RBFOX1: variants seen among roughly 807,000 people sequenced by gnomAD.
RBFOX1 encodes RNA binding protein fox-1 homolog 1.
Under a neutral mutation model 57.7 loss-of-function variants are expected in RBFOX1, and 8 were observed. The ratio of observed to expected loss-of-function variants is 0.14; its 90% CI spans 0.08 to 0.25. RBFOX1 has a LOEUF of 0.25. RBFOX1 is among the 10% of genes least tolerant of loss of function. RBFOX1 has a pLI of 1.00. For synonymous variants in RBFOX1, 326 were observed against 222.4 expected (o/e 1.47, Z -4.15); for missense variants, 611 against 548.5 (o/e 1.11, Z -1.14).
intron 3 of RBFOX1, among the ~76,000 whole-genome samples, chr16:6,790,925 C>T (rs1349480598): frequency 6.7e-6 from 1 of 149,516 alleles, no homozygotes; most frequent in Non-Finnish European, 1.5e-5. Flanking sequence ...TTTTTTTTTG[C>T]AATGGGGTCT....
At chr16:5,387,419 C>T (rs1481828190) in intron 1 of RBFOX1, among the ~76,000 whole-genome samples, 2 of 152,216 alleles carry the variant, frequency 1.3e-5, no homozygotes, top group East Asian at 1.9e-4. Flanking sequence ...GACCTAGGCA[C>T]CTTTGGCAAT....
chr16:7,057,784 G>C (rs549474439), intron 4 of RBFOX1, among the ~76,000 whole-genome samples: 1 of 152,130 alleles, frequency 6.6e-6, no homozygotes, highest in Non-Finnish European at 1.5e-5. Flanking sequence ...AAGGTGGGTG[G>C]ATCACCTGAG....
chr16:5,467,236 C>A lies in RBFOX1; in HGVS notation c.240C>A (p.Tyr80Ter). 1.3e-6 allele frequency: 2 copies of A among 1,498,290 alleles called. No individual in the cohort carries two copies. Among genetic ancestry groups the A allele is most frequent in the Non-Finnish European group, 1.8e-6 (2 of 1,114,698 alleles). The allele number at this position is 1,498,290 out of a possible 1,614,324, so 92.8% of individuals were successfully genotyped here. A position where few individuals can be genotyped will look rare whatever the true frequency, so the allele number is the denominator to read the frequency against. ...TGCAGGATCTACTGTGCCTGCCATA[C>A]AGCCTGGTTGAGGGTCAGGTAAGTG... Residue 80 changes from tyrosine to a stop codon, truncating the protein, a stop_gained, in exon 2 of 3, where the codon TAC becomes TAA. Transcript: ENST00000585867. LOFTEE classifies it low-confidence loss of function (END_TRUNC).
At chr16:5,742,908 G>T (rs2052828780) in intron 3 of RBFOX1, among the ~76,000 whole-genome samples, 1 of 152,076 alleles carries the variant, frequency 6.6e-6, no homozygotes, top group Middle Eastern at 3.2e-3. Flanking sequence ...ATAAAGTGTA[G>T]GTGAGTCTAC....
intron 1 of RBFOX1, among the ~76,000 whole-genome samples, chr16:5,370,000 C>G (rs1162591943): frequency 1.3e-5 from 2 of 152,148 alleles, no homozygotes; most frequent in African/African-American, 4.8e-5. Flanking sequence ...TGGATGGAGA[C>G]AAAGTTCCTC....
At chr16:7,622,415 A>C (rs1243470299) in intron 10 of RBFOX1, among the ~76,000 whole-genome samples, 1 of 152,240 alleles carries the variant, frequency 6.6e-6, no homozygotes, top group Non-Finnish European at 1.5e-5. Flanking sequence ...TTATCATATT[A>C]AGTTAAATAT....
At chr16:7,152,651 G>C (rs992250845) in intron 4 of RBFOX1, among the ~76,000 whole-genome samples, 1 of 152,112 alleles carries the variant, frequency 6.6e-6, no homozygotes, top group Non-Finnish European at 1.5e-5. Context: ...GGTATGCGCA[G>C]ATGTCAGTGA....
At chr16:7,400,332 C>G (rs983407431) in intron 4 of RBFOX1, among the ~76,000 whole-genome samples, 1 of 152,154 alleles carries the variant, frequency 6.6e-6, no homozygotes, top group East Asian at 1.9e-4. Flanking sequence ...ATTCTGCCCC[C>G]TCTCTCCTCC....
At chr16:5,797,530 G>A (rs540659643) in intron 3 of RBFOX1, among the ~76,000 whole-genome samples, 22 of 152,278 alleles carry the variant, frequency 1.4e-4, no homozygotes, top group Admixed American at 1.3e-3. Context: ...AGTAGCTGGG[G>A]ACCAATTATG....
At chr16:5,406,847 G>A (rs2066882067) in intron 1 of RBFOX1, among the ~76,000 whole-genome samples, 1 of 152,144 alleles carries the variant, frequency 6.6e-6, no homozygotes, top group Admixed American at 6.5e-5. Flanking sequence ...CAGATCCGTG[G>A]GCACTCACCA....
intron 2 of RBFOX1, among the ~76,000 whole-genome samples, chr16:6,647,660 A>G (rs75268971): frequency 9.0e-4 from 137 of 152,094 alleles, no homozygotes; most frequent in African/African-American, 2.9e-3. Flanking sequence ...TTTAGGGGGG[A>G]CACATACATT....
intron 3 of RBFOX1, among the ~76,000 whole-genome samples, chr16:6,795,711 A>G (rs1447292363): frequency 6.6e-6 from 1 of 151,998 alleles, no homozygotes; most frequent in Non-Finnish European, 1.5e-5. Flanking sequence ...GGTTGCAGTT[A>G]GCCAATGTTG....
chr16:6,079,470 C>G (rs1038242683), intron 1 of RBFOX1, among the ~76,000 whole-genome samples: 2 of 152,142 alleles, frequency 1.3e-5, no homozygotes, highest in African/African-American at 4.8e-5. Flanking sequence ...TGCCACCATG[C>G]CTGGCTATTT....
At chr16:7,697,084 C>T (rs1184413313) in intron 14 of RBFOX1, among the ~76,000 whole-genome samples, 1 of 152,250 alleles carries the variant, frequency 6.6e-6, no homozygotes, top group Non-Finnish European at 1.5e-5. Context: ...GGGTTGTAAT[C>T]TGACTTTAAT....
intron 3 of RBFOX1, among the ~76,000 whole-genome samples, chr16:6,827,702 C>A (rs183569833): frequency 6.6e-6 from 1 of 152,156 alleles, no homozygotes; most frequent in African/African-American, 2.4e-5. Flanking sequence ...AGCTTCTCTC[C>A]GTCCCATGGT....
chr16:6,801,673 C>T (rs1349865284), intron 3 of RBFOX1, among the ~76,000 whole-genome samples: 1 of 152,002 alleles, frequency 6.6e-6, no homozygotes, highest in Non-Finnish European at 1.5e-5. Flanking sequence ...CTGAGGGTCA[C>T]ACTGCTATTT....
intron 4 of RBFOX1, among the ~76,000 whole-genome samples, chr16:7,114,354 T>A (rs749592840): frequency 6.6e-6 from 1 of 152,136 alleles, no homozygotes; most frequent in African/African-American, 2.4e-5. Context: ...AGGTCCAAGG[T>A]CACATATTTA....
intron 3 of RBFOX1, among the ~76,000 whole-genome samples, chr16:5,816,400 C>G (rs548303564): frequency 3.3e-5 from 5 of 152,320 alleles, no homozygotes; most frequent in African/African-American, 1.2e-4. Context: ...ACCGTCTTCT[C>G]TCCTTGACCA....
intron 2 of RBFOX1, among the ~76,000 whole-genome samples, chr16:6,385,100 C>G (rs72778246): frequency 0.041 from 6,301 of 152,242 alleles, 191 homozygotes; most frequent in Non-Finnish European, 0.061. Context: ...CTCATTCACT[C>G]TAAAATATTT....
Sources: gnomAD v4.1 joint callset for allele counts (sites outside exome capture counted in the v4.1 genomes callset) on GRCh38, gnomAD v4.1.1 for gene constraint, MANE v1.5 for transcripts, NCBI Gene and HGNC (gene_info 2026-07-23, HGNC 2026-07-21) for gene names.